The following PRRC1 variants were observed in gnomAD, a reference collection of about 807,000 sequenced individuals.
The protein encoded by PRRC1 is proline rich coiled-coil 1.
PRRC1 carries 39 observed loss-of-function variants against 40.7 expected under a neutral mutation model. The ratio of observed to expected loss-of-function variants is 0.96; its 90% CI spans 0.74 to 1.25. PRRC1 has a LOEUF of 1.25. Ranked by LOEUF, PRRC1 falls within the 50% of genes most tolerant of loss-of-function variation. The probability of loss-of-function intolerance (pLI) is 0.00; values close to 1 mark genes in which losing one functional copy is unlikely to be tolerated. For missense variants in PRRC1, 573 were observed against 548.3 expected (o/e 1.05, Z -0.45); for synonymous variants, 175 against 193.3 (o/e 0.91, Z 0.79).
chr5:127,520,164 C>A (rs1409592648), intron 1 of PRRC1, among the ~76,000 whole-genome samples: 1 of 152,218 alleles, frequency 6.6e-6, no homozygotes, highest in Non-Finnish European at 1.5e-5. Context: ...TTCCTAACCT[C>A]TTCATGCTAT....
chr5:127,523,043 G>A (rs1404052926), intron 1 of PRRC1, among the ~76,000 whole-genome samples: 1 of 151,964 alleles, frequency 6.6e-6, no homozygotes, highest in Middle Eastern at 3.2e-3. Flanking sequence ...ACAACTCCTA[G>A]CCTCAAATGC....
chr5:127,553,688 C>G lies in PRRC1; in HGVS notation c.*1772C>G. The G allele has an allele frequency of 2.7e-6, 4 of 1,485,628 alleles. No individual in the cohort carries two copies. Among genetic ancestry groups the G allele is most frequent in the Non-Finnish European group, 3.6e-6 (4 of 1,124,276 alleles). The allele number at this position is 1,485,628 out of a possible 1,614,324, so 92.0% of individuals were successfully genotyped here. A position where few individuals can be genotyped will look rare whatever the true frequency, so the allele number is the denominator to read the frequency against. ...CTATTATAAGGAAATCTTACAGATT[C>G]TAAAAATACCTTAATTTTTCTTTGA... On this transcript the variant is annotated 3_prime_UTR_variant, in exon 9 of 9. Transcript: ENST00000296666.
chr5:127,531,216 A>C (rs1435948596), intron 5 of PRRC1, among the ~76,000 whole-genome samples: 1 of 152,212 alleles, frequency 6.6e-6, no homozygotes, highest in Non-Finnish European at 1.5e-5. Flanking sequence ...GAGCTCTGCA[A>C]GGTAGGTATT....
intron 4 of PRRC1, 80 bp downstream of exon 4, chr5:127,526,858 C>T: frequency 8.4e-7 from 1 of 1,190,408 alleles, no homozygotes; most frequent in Non-Finnish European, 1.1e-6. Context: ...ATTGAAAATA[C>T]AGGATGGCAC....
intron 2 of PRRC1, among the ~76,000 whole-genome samples, chr5:127,524,281 AAAAC>A (rs150208475): frequency 0.014 from 2,127 of 152,264 alleles, 28 homozygotes; most frequent in East Asian, 0.039. Context: ...AAAATACACC[AAAAC>A]AAACCAAAAA....
intron 1 of PRRC1, among the ~76,000 whole-genome samples, chr5:127,523,089 G>A (rs776748086): frequency 6.6e-6 from 1 of 152,068 alleles, no homozygotes; most frequent in Admixed American, 6.5e-5. Flanking sequence ...TGGGATTATA[G>A]GCATGGGACA....
chr5:127,539,475 A>G (rs994673911), intron 7 of PRRC1, among the ~76,000 whole-genome samples: 3 of 152,080 alleles, frequency 2.0e-5, no homozygotes, highest in Non-Finnish European at 4.4e-5. Context: ...TAGTTATTCA[A>G]AGTCGTGGAA....
Position 127,535,578 on chromosome 5 carries a change from A to G in PRRC1, c.921+1792A>G, listed in dbSNP as rs188220920. Among the ~76,000 whole-genome samples the G allele has an allele frequency of 1.9e-3, 286 of 152,290 alleles. 2 individuals are homozygous for G. Among genetic ancestry groups the G allele is most frequent in the Admixed American group, 1.9e-3 (29 of 15,276 alleles). ...TATAAATAAATTTCATGTGTAGTCAATGGAATCCACAAAACTAATAGGATC... is the reference window on the plus strand; with the variant it reads ...TATAAATAAATTTCATGTGTAGTCAGTGGAATCCACAAAACTAATAGGATC... On this transcript the variant is annotated intron_variant, in intron 6 of 8. Transcript: ENST00000296666.
chr5:127,543,746 G>C (rs1406363712), intron 7 of PRRC1, among the ~76,000 whole-genome samples: 2 of 152,082 alleles, frequency 1.3e-5, no homozygotes, highest in East Asian at 3.9e-4. Flanking sequence ...GCACTTCTCT[G>C]TATTGGTTAT....
At chr5:127,519,813 T>G (rs453202) in intron 1 of PRRC1, among the ~76,000 whole-genome samples, 67,014 of 152,080 alleles carry the variant, frequency 0.44, 16,040 homozygotes, top group East Asian at 0.62. Context: ...GATGTTTGTT[T>G]CAAGGAACTT....
intron 1 of PRRC1, among the ~76,000 whole-genome samples, chr5:127,519,165 G>T (rs949443983): frequency 2.0e-5 from 3 of 152,204 alleles, no homozygotes; most frequent in Admixed American, 2.0e-4. Context: ...AGCATCTGTA[G>T]TAGAGGGTGA....
intron 1 of PRRC1, among the ~76,000 whole-genome samples, chr5:127,522,333 A>G (rs1767480463): frequency 6.6e-6 from 1 of 152,216 alleles, no homozygotes; most frequent in East Asian, 1.9e-4. Flanking sequence ...GTTACTGGAT[A>G]TGCTTTAAAA....
chr5:127,553,967 G>A lies in PRRC1; in HGVS notation c.*2051G>A. The A allele has an allele frequency of 6.7e-7, 1 of 1,489,998 alleles. No homozygotes were observed. The highest frequency in any genetic ancestry group is 9.0e-7 in the Non-Finnish European group (1 of 1,113,398). The allele number at this position is 1,489,998 out of a possible 1,614,324, so 92.3% of individuals were successfully genotyped here. ...AGAGAGAAATACATGAACTGCTCTG[G>A]CCTCTCTGGTTCTGTTCTTGGCCCA... On this transcript the variant is annotated 3_prime_UTR_variant, in exon 9 of 9. Transcript: ENST00000296666.
Position 127,540,176 on chromosome 5 carries a change from A to G in PRRC1, c.1025+1033A>G, listed in dbSNP as rs928035118. On this transcript the variant is annotated intron_variant, in intron 7 of 8. Transcript: ENST00000296666. ...AAGAGCTCTGAATTCTAGGTTGATAAGTTTCAACTTTCTATGTAAGCACTG... is the reference window on the plus strand; with the variant it reads ...AAGAGCTCTGAATTCTAGGTTGATAGGTTTCAACTTTCTATGTAAGCACTG... Among the ~76,000 whole-genome samples, 42 of 152,102 alleles carry G rather than the reference A, an allele frequency of 2.8e-4. 1 individual carries two copies. The highest frequency in any genetic ancestry group is 1.0e-4 in the Non-Finnish European group (7 of 67,964).
At chr5:127,540,964 A>G (rs1031550854) in intron 7 of PRRC1, among the ~76,000 whole-genome samples, 13 of 152,124 alleles carry the variant, frequency 8.5e-5, no homozygotes, top group Non-Finnish European at 1.5e-4. Context: ...TTTCAAAGGG[A>G]ATGCTTCCAG....
intron 7 of PRRC1, among the ~76,000 whole-genome samples, chr5:127,541,957 A>G (rs1768059573): frequency 6.6e-6 from 1 of 151,124 alleles, no homozygotes; most frequent in South Asian, 2.1e-4. Context: ...AGTTCTTTTA[A>G]TTGTGATGTT....
Position 127,529,007 on chromosome 5 carries a change from T to G in PRRC1, c.655-1287T>G, listed in dbSNP as rs187734322. On this transcript the variant is annotated intron_variant, in intron 4 of 8. Coordinates refer to ENST00000296666, the MANE Select transcript of PRRC1 (RefSeq NM_130809.5). ...ACTAACGTGTACTGAGGTGGGGATG[T>G]GGAACATTCAGTGATAAGTAAGATA... is the stretch of plus-strand genomic sequence containing the variant. Among the ~76,000 whole-genome samples, 625 of 152,342 alleles carry G rather than the reference T, an allele frequency of 4.1e-3. 2 individuals are homozygous for G. The highest frequency in any genetic ancestry group is 6.7e-3 in the Non-Finnish European group (453 of 68,032).
chr5:127,538,922 C>T (rs963161091), intron 6 of PRRC1, 118 bp from the exon 7 acceptor site: 1 of 594,576 alleles, frequency 1.7e-6, no homozygotes, highest in Non-Finnish European at 2.8e-6. Flanking sequence ...TGAACGTTTA[C>T]AGTGAGTATA....
intron 7 of PRRC1, among the ~76,000 whole-genome samples, chr5:127,547,077 T>C (rs1768246728): frequency 6.6e-6 from 1 of 152,132 alleles, no homozygotes; most frequent in East Asian, 1.9e-4. Context: ...CATTAAAAAA[T>C]AGGCATTAAA....
Sources: allele counts gnomAD v4.1 joint callset (sites outside exome capture counted in the v4.1 genomes callset), GRCh38; gene constraint gnomAD v4.1.1; transcripts MANE v1.5; gene names NCBI Gene and HGNC (gene_info 2026-07-23, HGNC 2026-07-21).